KAZN: variants seen among roughly 807,000 people sequenced by gnomAD.
KAZN encodes kazrin, periplakin interacting protein.
Under a neutral mutation model 87.4 loss-of-function variants are expected in KAZN, and 40 were observed. The observed-to-expected ratio is 0.46, with a 90% CI of 0.36 to 0.60. The LOEUF is 0.60. Among genes scored for constraint, KAZN ranks in the 20% least tolerant of loss-of-function variants. The pLI is 0.00. For synonymous variants in KAZN, 466 were observed against 458.3 expected (o/e 1.02, Z -0.22); for missense variants, 898 against 1,073.9 (o/e 0.84, Z 2.29).
intron 1 of KAZN, among the ~76,000 whole-genome samples, chr1:14,655,545 A>ACCAGC (rs1349042664): frequency 1.3e-5 from 2 of 152,142 alleles, no homozygotes. Flanking sequence ...GGTTTAAATC[A>ACCAGC]CCAGCCGTCA....
intron 1 of KAZN, among the ~76,000 whole-genome samples, chr1:14,139,231 G>C (rs1352775971): frequency 2.6e-5 from 4 of 152,164 alleles, no homozygotes; most frequent in Non-Finnish European, 5.9e-5. Flanking sequence ...TTTGCCCATA[G>C]CCCATTGCTG....
chr1:15,008,352 G>A (rs759655226), intron 2 of KAZN, among the ~76,000 whole-genome samples: 14 of 152,216 alleles, frequency 9.2e-5, no homozygotes, highest in Non-Finnish European at 2.1e-4. Context: ...TCTCAGGCGA[G>A]CCTGAGAGTA....
chr1:13,945,196 G>C (rs1392637593), intron 1 of KAZN, among the ~76,000 whole-genome samples: 3 of 152,122 alleles, frequency 2.0e-5, no homozygotes, highest in Non-Finnish European at 4.4e-5. Flanking sequence ...TGTGCAGGCT[G>C]GGCGTGGTGG....
At chr1:14,354,604 A>G (rs1422419408) in intron 2 of KAZN, among the ~76,000 whole-genome samples, 1 of 151,480 alleles carries the variant, frequency 6.6e-6, no homozygotes, top group Non-Finnish European at 1.5e-5. Context: ...ATTAAAACCA[A>G]AATTAGTTAC....
intron 1 of KAZN, among the ~76,000 whole-genome samples, chr1:14,020,125 A>G (rs115400669): frequency 0.022 from 3,359 of 152,068 alleles, 116 homozygotes; most frequent in African/African-American, 0.076. Flanking sequence ...AATTCACAGT[A>G]GGATTTGCAC....
intron 2 of KAZN, among the ~76,000 whole-genome samples, chr1:15,024,612 C>T (rs1005760937): frequency 3.3e-4 from 50 of 152,168 alleles, no homozygotes; most frequent in African/African-American, 1.1e-3. Flanking sequence ...CCTCAGTTTC[C>T]AGCGGAGGGA....
intron 1 of KAZN, among the ~76,000 whole-genome samples, chr1:13,959,878 C>T (rs567765836): frequency 6.6e-6 from 1 of 152,264 alleles, no homozygotes; most frequent in East Asian, 1.9e-4. Context: ...TTATAAATAG[C>T]ACCTAATAAA....
Position 14,697,581 on chromosome 1 carries a change from C to T in KAZN, c.226+98358C>T, listed in dbSNP as rs1235833015. Among the ~76,000 whole-genome samples, 3 of 152,164 alleles carry T rather than the reference C, an allele frequency of 2.0e-5. 1 individual carries two copies. Among genetic ancestry groups the T allele is most frequent in the Non-Finnish European group, 4.4e-5 (3 of 68,032 alleles). ...GGCTCTGTGATCAACGGGGCTGCGT[C>T]GTCAGTGGGCAGCAGCTCACCATGC... is the stretch of plus-strand genomic sequence containing the variant. On this transcript the variant is annotated intron_variant, in intron 1 of 14. Coordinates refer to ENST00000376030, the MANE Select transcript of KAZN (RefSeq NM_201628.3).
chr1:13,973,558 C>T (rs1642206431), intron 1 of KAZN, among the ~76,000 whole-genome samples: 1 of 152,226 alleles, frequency 6.6e-6, no homozygotes, highest in African/African-American at 2.4e-5. Flanking sequence ...ACAACTCCCT[C>T]AACTTGCCTT....
At chr1:14,155,657 C>T (rs1645576764) in intron 1 of KAZN, among the ~76,000 whole-genome samples, 1 of 151,268 alleles carries the variant, frequency 6.6e-6, no homozygotes, top group East Asian at 1.9e-4. Flanking sequence ...TCTTCTTCTT[C>T]TTCTTTTTTT....
At chr1:13,959,677 C>T (rs562978696) in intron 1 of KAZN, among the ~76,000 whole-genome samples, 5 of 152,244 alleles carry the variant, frequency 3.3e-5, no homozygotes, top group Admixed American at 3.3e-4. Flanking sequence ...CATTATAGAT[C>T]ACAGATGCTT....
At position 14,512,464 on chromosome 1, in the gene KAZN, C is replaced by T. The variant is rs183676023; in HGVS notation, c.250-86519C>T. Among the ~76,000 whole-genome samples, 849 of 152,080 alleles carry T rather than the reference C, an allele frequency of 5.6e-3. 3 individuals are homozygous for T. The highest frequency in any genetic ancestry group is 0.011 in the South Asian group (54 of 4,796). On this transcript the variant is annotated intron_variant, in intron 2 of 16. Transcript: ENST00000636203. ...ATGTTGACGAATGTCCCCTGGGTGG[C>T]GCAGAGCCCCCCCACCCCCACCCCA...
At chr1:15,068,040 T>A in intron 8 of KAZN, 1 of 749,114 alleles carries the variant, frequency 1.3e-6, no homozygotes, top group South Asian at 6.2e-5. Context: ...GCGAATGAGT[T>A]ATGGGTAACA....
chr1:14,602,628 G>A (rs1160945859), intron 1 of KAZN, among the ~76,000 whole-genome samples: 2 of 152,208 alleles, frequency 1.3e-5, no homozygotes, highest in Non-Finnish European at 2.9e-5. Context: ...TGTTCTTTGA[G>A]GGGAAAATGT....
chr1:14,729,715 A>G (rs993577758), intron 1 of KAZN, among the ~76,000 whole-genome samples: 1 of 152,152 alleles, frequency 6.6e-6, no homozygotes, highest in African/African-American at 2.4e-5. Context: ...TGAGAGAAAA[A>G]GGAGCTTGTT....
intron 1 of KAZN, among the ~76,000 whole-genome samples, chr1:13,940,132 G>C (rs566534322): frequency 6.6e-6 from 1 of 152,216 alleles, no homozygotes; most frequent in East Asian, 1.9e-4. Flanking sequence ...TGGTATTAGG[G>C]TGTTAATGGT....
At chr1:14,440,032 C>G (rs1079222) in intron 2 of KAZN, among the ~76,000 whole-genome samples, 1 of 152,116 alleles carries the variant, frequency 6.6e-6, no homozygotes, top group Non-Finnish European at 1.5e-5. Context: ...ACCTCTCCCC[C>G]TCTAAGAGGT....
chr1:14,292,780 G>A (rs1305659439), intron 2 of KAZN, among the ~76,000 whole-genome samples: 2 of 152,210 alleles, frequency 1.3e-5, no homozygotes, highest in Non-Finnish European at 2.9e-5. Flanking sequence ...CACATCTGAT[G>A]GATGAGCTGG....
chr1:14,580,624 T>C (rs925840500), intron 2 of KAZN, among the ~76,000 whole-genome samples: 1 of 152,194 alleles, frequency 6.6e-6, no homozygotes, highest in Non-Finnish European at 1.5e-5. Context: ...GGACAAGTTG[T>C]GTGGTGGGTG....
Sources: gnomAD v4.1 joint callset for allele counts (sites outside exome capture counted in the v4.1 genomes callset) on GRCh38, gnomAD v4.1.1 for gene constraint, MANE v1.5 for transcripts, NCBI Gene and HGNC (gene_info 2026-07-23, HGNC 2026-07-21) for gene names.